The following CPQ variants were observed in gnomAD, a reference collection of about 807,000 sequenced individuals.
The protein encoded by CPQ is carboxypeptidase Q.
Under a neutral mutation model 45.7 loss-of-function variants are expected in CPQ, and 37 were observed. The observed-to-expected ratio is 0.81, with a 90% CI of 0.62 to 1.07. The LOEUF is 1.07. Among genes scored for constraint, CPQ ranks in the 50% least tolerant of loss-of-function variants. The probability of loss-of-function intolerance (pLI) is 0.00; values close to 1 mark genes in which losing one functional copy is unlikely to be tolerated. For missense variants in CPQ, 537 were observed against 572.9 expected, an observed-to-expected ratio of 0.94 and a Z score of 0.64; for synonymous variants, 186 against 205.8, an observed-to-expected ratio of 0.90 and a Z score of 0.82.
rs34511194 is a variant in CPQ at position 96,958,912 on chromosome 8, G to GAAA, written c.850-7010_850-7008dup. On this transcript the variant is annotated intron_variant, in intron 4 of 7. Coordinates refer to ENST00000220763, the MANE Select transcript of CPQ (RefSeq NM_016134.4). ...CAAGCTAACACCCAACAGCTTCACT[G>GAAA]AAAAAAAAAAAAAAAGCTTGAAGAT... Among the ~76,000 whole-genome samples the GAAA allele has an allele frequency of 3.7e-3, 491 of 131,152 alleles. 2 individuals carry two copies. Among genetic ancestry groups the GAAA allele is most frequent in the African/African-American group, 0.011 (385 of 36,274 alleles). The allele number at this position is 131,152 out of a possible 152,430, so 86.0% of individuals were successfully genotyped here.
intron 3 of CPQ, among the ~76,000 whole-genome samples, chr8:96,835,739 AG>A (rs1811520882): frequency 6.6e-6 from 1 of 152,208 alleles, no homozygotes; most frequent in African/African-American, 2.4e-5. Context: ...CCAGGGGTAA[AG>A]AATAATAATA....
chr8:96,690,489 G>A (rs1338735719), intron 1 of CPQ, among the ~76,000 whole-genome samples: 1 of 152,048 alleles, frequency 6.6e-6, no homozygotes, highest in African/African-American at 2.4e-5. Flanking sequence ...TCAGTTACTT[G>A]CTTTCTTTAG....
At chr8:96,704,278 C>T (rs1237029041) in intron 1 of CPQ, among the ~76,000 whole-genome samples, 1 of 152,170 alleles carries the variant, frequency 6.6e-6, no homozygotes, top group Non-Finnish European at 1.5e-5. Flanking sequence ...TGTCTCCCCT[C>T]ATGACAAATG....
At position 96,713,637 on chromosome 8, in the gene CPQ, A is replaced by G. The variant is rs144347310; in HGVS notation, c.-35+68235A>G. On this transcript the variant is annotated intron_variant, in intron 1 of 7. Coordinates refer to ENST00000220763, the MANE Select transcript of CPQ (RefSeq NM_016134.4). ...ATGGGGGTAACTGCCCCCATGATTC[A>G]AATACCTCCCACTGGGTTCCTTCCA... Among the ~76,000 whole-genome samples, 603 of 152,290 alleles carry G rather than the reference A, an allele frequency of 4.0e-3. 2 individuals carry two copies. Among genetic ancestry groups the G allele is most frequent in the Middle Eastern group, 0.014 (4 of 294 alleles).
intron 4 of CPQ, among the ~76,000 whole-genome samples, chr8:96,905,083 G>A (rs1319943363): frequency 6.6e-6 from 1 of 152,052 alleles, no homozygotes; most frequent in African/African-American, 2.4e-5. Flanking sequence ...AGTTCTGCAT[G>A]GCTAGGGAGG....
At chr8:96,937,421 T>C (rs1013437252) in intron 4 of CPQ, among the ~76,000 whole-genome samples, 1 of 152,132 alleles carries the variant, frequency 6.6e-6, no homozygotes, top group Non-Finnish European at 1.5e-5. Flanking sequence ...GGTGCTCAGA[T>C]AGAGTCCAGT....
chr8:96,764,328 A>G (rs1810441197), intron 1 of CPQ, among the ~76,000 whole-genome samples: 1 of 152,182 alleles, frequency 6.6e-6, no homozygotes, highest in South Asian at 2.1e-4. Flanking sequence ...CATGCAAACT[A>G]ATGTACAATA....
intron 5 of CPQ, among the ~76,000 whole-genome samples, chr8:96,975,864 A>G (rs987494787): frequency 6.6e-6 from 1 of 152,038 alleles, no homozygotes; most frequent in Admixed American, 6.5e-5. Context: ...ATAGCCATCT[A>G]CAACAAACAG....
chr8:96,990,091 T>A (rs1809062514), intron 5 of CPQ, among the ~76,000 whole-genome samples: 1 of 152,144 alleles, frequency 6.6e-6, no homozygotes, highest in South Asian at 2.1e-4. Context: ...TTGCTGATGT[T>A]CACACCCTGC....
intron 7 of CPQ, among the ~76,000 whole-genome samples, chr8:97,120,675 A>G (rs1323174314): frequency 1.3e-5 from 2 of 152,212 alleles, no homozygotes; most frequent in Non-Finnish European, 2.9e-5. Flanking sequence ...GCTTTGGTCA[A>G]AGTCTTCTGT....
At chr8:97,103,367 G>A (rs1055582336) in intron 7 of CPQ, among the ~76,000 whole-genome samples, 1 of 152,196 alleles carries the variant, frequency 6.6e-6, no homozygotes, top group Non-Finnish European at 1.5e-5. Context: ...TTGAGGCCAT[G>A]AGGGTTTGAG....
At chr8:97,121,440 G>A (rs553507223) in intron 7 of CPQ, among the ~76,000 whole-genome samples, 1 of 152,100 alleles carries the variant, frequency 6.6e-6, no homozygotes, top group African/African-American at 2.4e-5. Context: ...GTAATAGTAA[G>A]GCTAAACTAG....
At chr8:96,715,395 T>C (rs1264223427) in intron 1 of CPQ, among the ~76,000 whole-genome samples, 1 of 152,170 alleles carries the variant, frequency 6.6e-6, no homozygotes, top group African/African-American at 2.4e-5. Flanking sequence ...TCTCCAAGAA[T>C]GTTGATTCTC....
chr8:96,965,918 TTTA>T lies in CPQ; in HGVS notation c.850-11_850-9del. ...TTTGCTTAGTTTTATTTTTTAACTT[TTTA>T]TTATTTGTTCTAGGTTGTACTGGTC... On this transcript the variant is annotated splice_polypyrimidine_tract_variant and intron_variant, in intron 4 of 7. Transcript: ENST00000220763. The T allele has an allele frequency of 1.3e-6, 2 of 1,504,388 alleles. No individual in the cohort carries two copies. The highest frequency in any genetic ancestry group is 1.4e-5 in the African/African-American group (1 of 71,336). The allele number at this position is 1,504,388 out of a possible 1,614,324, so 93.2% of individuals were successfully genotyped here.
intron 7 of CPQ, 56 bp downstream of exon 7, chr8:97,066,266 A>G: frequency 6.5e-7 from 1 of 1,531,546 alleles, no homozygotes; most frequent in Non-Finnish European, 8.8e-7. Context: ...TTTAAAATAA[A>G]ATTTCTGTTT....
intron 3 of CPQ, among the ~76,000 whole-genome samples, chr8:96,861,209 A>T (rs1420727167): frequency 6.6e-6 from 1 of 152,164 alleles, no homozygotes; most frequent in Admixed American, 6.5e-5. Context: ...ATTTTAGAAT[A>T]TAAGAAATAG....
chr8:96,745,322 A>G (rs899468705), intron 1 of CPQ, among the ~76,000 whole-genome samples: 6 of 152,220 alleles, frequency 3.9e-5, no homozygotes, highest in East Asian at 3.9e-4. Context: ...AAAAAAATGT[A>G]TACGGGAACT....
chr8:96,745,236 A>G (rs980821206), intron 1 of CPQ, among the ~76,000 whole-genome samples: 1 of 152,114 alleles, frequency 6.6e-6, no homozygotes, highest in Non-Finnish European at 1.5e-5. Context: ...TGAACCCAGG[A>G]GGTGGAGGTT....
intron 7 of CPQ, among the ~76,000 whole-genome samples, chr8:97,069,989 T>C (rs1810711704): frequency 6.6e-6 from 1 of 152,226 alleles, no homozygotes; most frequent in South Asian, 2.1e-4. Flanking sequence ...GAAAAGATGA[T>C]ATCCTTTACC....
Sources: gnomAD v4.1 joint callset for allele counts (sites outside exome capture counted in the v4.1 genomes callset) on GRCh38, gnomAD v4.1.1 for gene constraint, MANE v1.5 for transcripts, NCBI Gene and HGNC (gene_info 2026-07-23, HGNC 2026-07-21) for gene names.